The following PLEKHD1 variants were observed in gnomAD, a reference collection of about 807,000 sequenced individuals.
PLEKHD1 encodes the protein pleckstrin homology domain-containing family D member 1.
In PLEKHD1, 51 loss-of-function variants were observed where a neutral mutation model predicts 69.2. The observed-to-expected ratio is 0.74, with a 90% CI of 0.59 to 0.93. PLEKHD1 has a LOEUF of 0.93. Among genes scored for constraint, PLEKHD1 ranks in the 40% least tolerant of loss-of-function variants. PLEKHD1 has a pLI of 0.00. For missense variants in PLEKHD1, 584 were observed against 641.0 expected (o/e 0.91, Z 0.96); for synonymous variants, 236 against 244.7 (o/e 0.96, Z 0.33).
upstream of PLEKHD1, among the ~76,000 whole-genome samples, chr14:69,484,251 C>T (rs1882602107): frequency 6.6e-6 from 1 of 152,236 alleles, no homozygotes; most frequent in Non-Finnish European, 1.5e-5. Context: ...CGCCACTTCA[C>T]TGGGGAGAAA....
chr14:69,501,082 G>GA, intron 4 of PLEKHD1, 135 bp downstream of exon 4: 1 of 918,466 alleles, frequency 1.1e-6, no homozygotes, highest in Non-Finnish European at 1.7e-6. Flanking sequence ...TAGGGTAGGG[G>GA]AGAGCAGACA....
At chr14:69,489,272 A>T (rs1016288792) in intron 1 of PLEKHD1, among the ~76,000 whole-genome samples, 3 of 152,192 alleles carry the variant, frequency 2.0e-5, no homozygotes. Flanking sequence ...TATGGTAGAA[A>T]GTGAATCTAA....
the PLEKHD1 span, among the ~76,000 whole-genome samples, chr14:69,475,662 C>T: frequency 6.6e-6 from 1 of 152,168 alleles, no homozygotes; most frequent in East Asian, 1.9e-4. Context: ...GGCTGTGCTT[C>T]CCCGCAAGTG....
At chr14:69,475,041 A>G in the PLEKHD1 span, among the ~76,000 whole-genome samples, 1 of 152,152 alleles carries the variant, frequency 6.6e-6, no homozygotes, top group Non-Finnish European at 1.5e-5. Flanking sequence ...TGATATATGA[A>G]GACAAGAGTG....
intron 6 of PLEKHD1, among the ~76,000 whole-genome samples, chr14:69,507,536 T>C (rs1883179014): frequency 6.6e-6 from 1 of 152,216 alleles, no homozygotes; most frequent in Admixed American, 6.5e-5. Context: ...AGGAGTATGA[T>C]TGTTGGATTG....
At chr14:69,507,553 G>A (rs1883179274) in intron 6 of PLEKHD1, among the ~76,000 whole-genome samples, 2 of 152,200 alleles carry the variant, frequency 1.3e-5, no homozygotes, top group Non-Finnish European at 2.9e-5. Context: ...ATTGCATGGT[G>A]AAAATATGTT....
the PLEKHD1 span, among the ~76,000 whole-genome samples, chr14:69,468,771 G>C: frequency 6.6e-6 from 1 of 152,066 alleles, no homozygotes; most frequent in Admixed American, 6.6e-5. Context: ...TGTAGAGATG[G>C]AGTCTCACTA....
chr14:69,499,640 A>G (rs1025670228), intron 1 of PLEKHD1, among the ~76,000 whole-genome samples: 10 of 152,242 alleles, frequency 6.6e-5, no homozygotes, highest in Admixed American at 2.6e-4. Context: ...GACAAACGGA[A>G]TGCCAATGTC....
chr14:69,496,423 A>G (rs915031522), intron 1 of PLEKHD1, among the ~76,000 whole-genome samples: 4 of 152,202 alleles, frequency 2.6e-5, no homozygotes, highest in Non-Finnish European at 4.4e-5. Context: ...AGTTGCCCAC[A>G]TGGTCAGGTT....
intron 6 of PLEKHD1, among the ~76,000 whole-genome samples, chr14:69,506,120 C>T (rs542223812): frequency 2.0e-5 from 3 of 152,316 alleles, no homozygotes; most frequent in South Asian, 4.1e-4. Context: ...TCTTTGTCAA[C>T]CTTTTTGGTG....
At chr14:69,486,067 CT>C (rs1882648838) in intron 1 of PLEKHD1, among the ~76,000 whole-genome samples, 1 of 152,228 alleles carries the variant, frequency 6.6e-6, no homozygotes, top group South Asian at 2.1e-4. Context: ...AGATTCACTA[CT>C]GGTATGGCCT....
chr14:69,472,297 C>T, the PLEKHD1 span, among the ~76,000 whole-genome samples: 9 of 152,176 alleles, frequency 5.9e-5, no homozygotes, highest in African/African-American at 2.2e-4. Context: ...TGCATCCTCC[C>T]GTATACTGTT....
chr14:69,523,738 A>C (rs1883574562), intron 7 of PLEKHD1, among the ~76,000 whole-genome samples: 1 of 152,126 alleles, frequency 6.6e-6, no homozygotes, highest in Admixed American at 6.6e-5. Context: ...GGATTTTGAA[A>C]ATTGGGCAGG....
rs1883029843 is a variant in PLEKHD1 at position 69,501,747 on chromosome 14, G to A, written c.424G>A (p.Ala142Thr). 6.4e-7 allele frequency: 1 copy of A among 1,551,228 alleles called. No homozygotes were observed. Among genetic ancestry groups the A allele is most frequent in the Admixed American group, 2.0e-5 (1 of 50,926 alleles). ...QESGKVTWKNAQLGEAMIKSL... is the reference protein window; with the variant it reads ...QESGKVTWKNTQLGEAMIKSL... Reference sequence around the variant, plus strand: ...CTCCCTCCCCAGGACCTGGAAGAATGCCCAGCTGGGAGAAGCCATGATCAA... The same window carrying A: ...CTCCCTCCCCAGGACCTGGAAGAATACCCAGCTGGGAGAAGCCATGATCAA... The change falls in exon 5 of 13, where the codon GCC (alanine) becomes ACC (threonine). Residue 142 changes from alanine to threonine, a missense_variant. Ala to Thr is a moderately conservative substitution (Grantham distance 58, BLOSUM62 0). Coordinates refer to ENST00000322564, the MANE Select transcript of PLEKHD1 (RefSeq NM_001161498.2).
At chr14:69,522,837 A>G (rs1883549710) in intron 7 of PLEKHD1, among the ~76,000 whole-genome samples, 1 of 152,126 alleles carries the variant, frequency 6.6e-6, no homozygotes, top group African/African-American at 2.4e-5. Context: ...TCATCTACTG[A>G]ATTATAATCT....
the PLEKHD1 span, among the ~76,000 whole-genome samples, chr14:69,477,819 C>A: frequency 1.3e-5 from 2 of 152,230 alleles, no homozygotes; most frequent in African/African-American, 2.4e-5. Flanking sequence ...GTACAGCCCC[C>A]CTCCTGGCTG....
At chr14:69,516,239 T>C (rs113862728) in intron 6 of PLEKHD1, among the ~76,000 whole-genome samples, 62 of 152,286 alleles carry the variant, frequency 4.1e-4, no homozygotes, top group African/African-American at 1.4e-3. Flanking sequence ...ATGTAACTTT[T>C]CCCCTATTTG....
In PLEKHD1 at chr14:69,500,952, G is replaced by C. The variant is rs1883011718; in HGVS notation, c.410+5G>C. 1 of 1,551,456 alleles carries C rather than the reference G, an allele frequency of 6.4e-7. No individual in the cohort carries two copies. Among genetic ancestry groups the C allele is most frequent in the Non-Finnish European group, 8.7e-7 (1 of 1,146,992 alleles). On this transcript the variant is annotated splice_donor_5th_base_variant and intron_variant, in intron 4 of 12. Transcript: ENST00000322564. The stretch of plus-strand genomic sequence containing the variant: ...GCTGCAGGAGTCTGGGAAGGTGTAA[G>C]TGCTCACAGCCAGGAGGGCAGCCTG...
chr14:69,523,221 C>T (rs958855234), intron 7 of PLEKHD1, among the ~76,000 whole-genome samples: 28 of 152,238 alleles, frequency 1.8e-4, no homozygotes, highest in Non-Finnish European at 2.5e-4. Flanking sequence ...TGTGAGCCAC[C>T]GCACCAGGGC....
Sources: allele counts gnomAD v4.1 joint callset (sites outside exome capture counted in the v4.1 genomes callset), GRCh38; gene constraint gnomAD v4.1.1; transcripts MANE v1.5; gene names NCBI Gene and HGNC (gene_info 2026-07-23, HGNC 2026-07-21).